The following FAM120A variants were observed in gnomAD, a reference collection of about 807,000 sequenced individuals.
The protein encoded by FAM120A is constitutive coactivator of PPAR-gamma-like protein 1.
FAM120A carries 15 observed loss-of-function variants against 109.7 expected under a neutral mutation model. The ratio of observed to expected loss-of-function variants is 0.14; its 90% CI spans 0.09 to 0.21. The LOEUF is 0.21. Ranked by LOEUF, FAM120A falls within the 10% of genes least tolerant of loss-of-function variation. The pLI, the probability that FAM120A is intolerant of heterozygous loss-of-function variation, is 1.00. For synonymous variants in FAM120A, 493 were observed against 572.8 expected, an observed-to-expected ratio of 0.86 and a Z score of 1.99; for missense variants, 899 against 1,439.3, an observed-to-expected ratio of 0.62 and a Z score of 6.07.
intron 7 of FAM120A, chr9:93,523,513 C>A (rs889629100): frequency 1.5e-5 from 5 of 335,260 alleles, no homozygotes; most frequent in Non-Finnish European, 2.8e-5. Flanking sequence ...AAAAGTGATT[C>A]TGAATTTTAT....
At chr9:93,483,523 GTTATC>G (rs1375953540) in intron 3 of FAM120A, among the ~76,000 whole-genome samples, 2 of 151,828 alleles carry the variant, frequency 1.3e-5, no homozygotes, top group African/African-American at 2.4e-5. Context: ...AGAAGCCTAT[GTTATC>G]TTTTTAAAAA....
Position 93,452,403 on chromosome 9 carries a change from TCCGGGCGGGCCGGGGAC to T in FAM120A, c.474+16_474+32del, listed in dbSNP as rs746494654. 1.4e-5 allele frequency: 22 copies of T among 1,596,246 alleles called. No homozygotes were observed. The highest frequency in any genetic ancestry group is 1.7e-5 in the Non-Finnish European group (20 of 1,172,474). On this transcript the variant is annotated intron_variant, in intron 1 of 17. Coordinates refer to ENST00000277165, the MANE Select transcript of FAM120A (RefSeq NM_014612.5). The surrounding 1 kb of genome is among the most constrained non-coding windows in gnomAD (Gnocchi z 7.0). The stretch of plus-strand genomic sequence containing the variant: ...TTCCACGTCAAGGTGAGGCCGGGGA[TCCGGGCGGGCCGGGGAC>T]CGGGGCCGCGCCGCACCCCTATCCC...
chr9:93,490,928 C>T (rs755304971), intron 3 of FAM120A, among the ~76,000 whole-genome samples: 6 of 152,176 alleles, frequency 3.9e-5, no homozygotes, highest in Non-Finnish European at 5.9e-5. Context: ...CCTTTGAGGA[C>T]GTGCCTGACA....
At chr9:93,454,470 GCT>G (rs1277534629) in intron 1 of FAM120A, among the ~76,000 whole-genome samples, 3 of 152,158 alleles carry the variant, frequency 2.0e-5, no homozygotes, top group South Asian at 4.1e-4. Context: ...AATCCTTTAA[GCT>G]CTCTCACTCA....
At chr9:93,523,669 G>T (rs1860941630) in intron 7 of FAM120A, among the ~76,000 whole-genome samples, 1 of 152,326 alleles carries the variant, frequency 6.6e-6, no homozygotes, top group East Asian at 1.9e-4. Flanking sequence ...GGTGCAAGGG[G>T]ATAGCTCCGT....
At chr9:93,534,715 A>T (rs1381201872) in intron 10 of FAM120A, among the ~76,000 whole-genome samples, 1 of 151,684 alleles carries the variant, frequency 6.6e-6, no homozygotes, top group Non-Finnish European at 1.5e-5. Context: ...AGTGGGGGAG[A>T]GGTGAGTTTA....
chr9:93,514,878 C>T (rs977345184), intron 5 of FAM120A, among the ~76,000 whole-genome samples: 7 of 152,226 alleles, frequency 4.6e-5, no homozygotes, highest in African/African-American at 9.6e-5. Context: ...GGGAGGCTTC[C>T]AGCCCCTGCC....
intron 7 of FAM120A, among the ~76,000 whole-genome samples, chr9:93,519,234 T>C (rs757651742): frequency 1.3e-5 from 2 of 152,154 alleles, no homozygotes; most frequent in Non-Finnish European, 2.9e-5. Flanking sequence ...TGTTTATATA[T>C]ATGTATGTAT....
Position 93,469,717 on chromosome 9 carries a change from C to G in FAM120A, c.475-1424C>G, listed in dbSNP as rs115296000. 8.3e-3 allele frequency among the ~76,000 whole-genome samples: 1,261 copies of G among 152,176 alleles called. 16 individuals are homozygous for G. The highest frequency in any genetic ancestry group is 0.029 in the African/African-American group (1,213 of 41,490). On this transcript the variant is annotated intron_variant, in intron 1 of 17. Coordinates refer to ENST00000277165, the MANE Select transcript of FAM120A (RefSeq NM_014612.5). ...TTCTAAAGAATAGAATGTTATTTGA[C>G]TGATTGGATGTTGTTTGGTTTTTTT... is the stretch of plus-strand genomic sequence containing the variant.
intron 10 of FAM120A, among the ~76,000 whole-genome samples, chr9:93,537,899 G>A (rs1861574049): frequency 6.6e-6 from 1 of 152,086 alleles, no homozygotes; most frequent in Non-Finnish European, 1.5e-5. Context: ...AGCTTTCTAG[G>A]AGCAGCATTG....
chr9:93,467,738 T>C (rs553440052), intron 1 of FAM120A, among the ~76,000 whole-genome samples: 1 of 152,328 alleles, frequency 6.6e-6, no homozygotes, highest in African/African-American at 2.4e-5. Flanking sequence ...ATTTGCAAAT[T>C]AGAGTTGTAC....
chr9:93,503,668 A>G (rs1278314585), intron 5 of FAM120A, among the ~76,000 whole-genome samples: 1 of 152,164 alleles, frequency 6.6e-6, no homozygotes, highest in Non-Finnish European at 1.5e-5. Context: ...ACTTCTAGCC[A>G]TATCCAGAAT....
chr9:93,543,550 A>G, intron 11 of FAM120A, 79 bp downstream of exon 11: 1 of 1,508,342 alleles, frequency 6.6e-7, no homozygotes, highest in Non-Finnish European at 8.9e-7. Context: ...GATGAGTTCT[A>G]GAAAGGATGT....
At chr9:93,496,706 G>A (rs1477847679) in intron 3 of FAM120A, among the ~76,000 whole-genome samples, 1 of 152,154 alleles carries the variant, frequency 6.6e-6, no homozygotes, top group Non-Finnish European at 1.5e-5. Context: ...ATTTTGCCAC[G>A]CAATGCAGCA....
rs564528249 is a variant in FAM120A, at chr9:93,540,826, T to G, written c.1910-2396T>G. On this transcript the variant is annotated intron_variant, in intron 10 of 17. Coordinates refer to ENST00000277165, the MANE Select transcript of FAM120A (RefSeq NM_014612.5). Reference sequence around the variant, plus strand: ...TGCAGAGGCCTAAAGGTTTTGAAATTGAGAAGGAAAATCTTCTACCAATAA... The same window carrying G: ...TGCAGAGGCCTAAAGGTTTTGAAATGGAGAAGGAAAATCTTCTACCAATAA... Among the ~76,000 whole-genome samples the G allele has an allele frequency of 3.9e-5, 6 of 152,232 alleles. No individual in the cohort carries two copies. The South Asian group carries it at 1.2e-3, about 32-fold the overall frequency.
Position 93,452,585 on chromosome 9 carries a change from C to G in FAM120A, c.474+196C>G, listed in dbSNP as rs1469817589. The G allele has an allele frequency of 8.1e-6, 13 of 1,597,120 alleles. No individual in the cohort carries two copies. Among genetic ancestry groups the G allele is most frequent in the South Asian group, 2.2e-5 (2 of 90,888 alleles). ...GTGCAGGCCGCGCGCTGCCCAAGCC[C>G]GTCTCCAGCTGTCCCTGTTCGGGGT... On this transcript the variant is annotated intron_variant, in intron 1 of 17. Transcript: ENST00000277165. The surrounding 1 kb of genome is among the most constrained non-coding windows in gnomAD (Gnocchi z 7.0).
At chr9:93,497,327 C>A in intron 3 of FAM120A, 144 bp from the exon 4 acceptor site, 1 of 1,089,200 alleles carries the variant, frequency 9.2e-7, no homozygotes, top group Non-Finnish European at 1.3e-6. Flanking sequence ...AGTCTTAGGG[C>A]CAAGATCTTA....
chr9:93,473,590 G>A (rs1012216032), intron 2 of FAM120A, among the ~76,000 whole-genome samples: 24 of 152,198 alleles, frequency 1.6e-4, no homozygotes, highest in Admixed American at 1.5e-3. Context: ...GGGATTACAG[G>A]CATGAGCCAT....
chr9:93,532,353 T>C lies in FAM120A; in HGVS notation c.1909+24T>C. On this transcript the variant is annotated intron_variant, in intron 10 of 17. Coordinates refer to ENST00000277165, the MANE Select transcript of FAM120A (RefSeq NM_014612.5). This position sits in a 1 kb window ranked among gnomAD's most constrained non-coding sequence, Gnocchi z 4.3. ...ATGTATGTACTGTAACAATCCATTG[T>C]TTGTTTTCCTCGGTACCTCGTAATC... The C allele has an allele frequency of 6.2e-7, 1 of 1,612,416 alleles. No homozygotes were observed. The highest frequency in any genetic ancestry group is 8.5e-7 in the Non-Finnish European group (1 of 1,178,480).
Sources: gnomAD v4.1 joint callset for allele counts (sites outside exome capture counted in the v4.1 genomes callset) on GRCh38, gnomAD v4.1.1 for gene constraint, Gnocchi (gnomAD v3.1) non-coding constraint, MANE v1.5 for transcripts, NCBI Gene and HGNC (gene_info 2026-07-23, HGNC 2026-07-21) for gene names.